RABGAP1L: variants seen among roughly 807,000 people sequenced by gnomAD.
RABGAP1L encodes rab GTPase-activating protein 1-like.
Under a neutral mutation model 137.7 loss-of-function variants are expected in RABGAP1L, and 63 were observed. The ratio of observed to expected loss-of-function variants is 0.46; its 90% CI spans 0.37 to 0.56. The LOEUF is 0.56. Ranked by LOEUF, RABGAP1L falls within the 20% of genes least tolerant of loss-of-function variation. The probability of loss-of-function intolerance (pLI) is 0.00; values close to 1 mark genes in which losing one functional copy is unlikely to be tolerated. For missense variants in RABGAP1L, 1,095 were observed against 1,244.0 expected (o/e 0.88, Z 1.80); for synonymous variants, 431 against 433.7 (o/e 0.99, Z 0.08).
At chr1:174,854,199 T>C (rs963620652) in intron 19 of RABGAP1L, among the ~76,000 whole-genome samples, 11 of 152,214 alleles carry the variant, frequency 7.2e-5, no homozygotes, top group Admixed American at 6.5e-4. Context: ...CAGATTTCCA[T>C]CACTTAAATA....
At chr1:174,523,449 T>C (rs183036153) in intron 13 of RABGAP1L, among the ~76,000 whole-genome samples, 17 of 152,218 alleles carry the variant, frequency 1.1e-4, no homozygotes, top group Non-Finnish European at 2.1e-4. Context: ...AAAATTAATA[T>C]CTGGGGAGAT....
intron 13 of RABGAP1L, among the ~76,000 whole-genome samples, chr1:174,550,997 CACATATATATATATATATATATAT>C (rs1666472595): frequency 1.1e-5 from 1 of 92,208 alleles, no homozygotes; most frequent in African/African-American, 8.1e-5. Flanking sequence ...TATATATATA[CACATATATATATATATATATATAT>C]ACATACACAC....
At chr1:174,334,293 A>G (rs746428942) in intron 11 of RABGAP1L, among the ~76,000 whole-genome samples, 9 of 152,200 alleles carry the variant, frequency 5.9e-5, no homozygotes, top group East Asian at 3.9e-4. Flanking sequence ...GTCTGACCCT[A>G]TGTTTTCTGT....
intron 7 of RABGAP1L, among the ~76,000 whole-genome samples, chr1:174,259,656 A>G (rs1483504010): frequency 6.6e-6 from 1 of 152,190 alleles, no homozygotes; most frequent in African/African-American, 2.4e-5. Context: ...AAGTCATGAA[A>G]ACTTTTAATA....
intron 14 of RABGAP1L, among the ~76,000 whole-genome samples, chr1:174,639,409 A>G (rs1290711851): frequency 6.6e-6 from 1 of 152,198 alleles, no homozygotes; most frequent in African/African-American, 2.4e-5. Flanking sequence ...TGAAAGACAA[A>G]AGTAATTATT....
chr1:174,800,790 G>A (rs1022492952), intron 18 of RABGAP1L, among the ~76,000 whole-genome samples: 2 of 152,160 alleles, frequency 1.3e-5, no homozygotes, highest in African/African-American at 2.4e-5. Flanking sequence ...GCTAGGCTCA[G>A]CAATAAAGCA....
intron 12 of RABGAP1L, among the ~76,000 whole-genome samples, chr1:174,388,355 AAAAAT>A (rs1023318596): frequency 3.9e-5 from 6 of 152,028 alleles, no homozygotes; most frequent in Admixed American, 3.9e-4. Context: ...AATCATTAGA[AAAAAT>A]AAAAATAATA....
At chr1:174,549,612 G>A (rs1213753840) in intron 13 of RABGAP1L, among the ~76,000 whole-genome samples, 1 of 152,120 alleles carries the variant, frequency 6.6e-6, no homozygotes, top group Non-Finnish European at 1.5e-5. Flanking sequence ...CTCAAGAAAT[G>A]GAACAAGCTG....
At chr1:174,683,880 A>G (rs1254085745) in intron 15 of RABGAP1L, among the ~76,000 whole-genome samples, 1 of 152,194 alleles carries the variant, frequency 6.6e-6, no homozygotes, top group Non-Finnish European at 1.5e-5. Context: ...AACTGCCCAA[A>G]TATCAGGACC....
intron 19 of RABGAP1L, among the ~76,000 whole-genome samples, chr1:174,925,876 G>GTTTTTTTTTTTTTTGTTTTTTT (rs1427562681): frequency 9.2e-6 from 1 of 108,672 alleles, no homozygotes; most frequent in Non-Finnish European, 2.0e-5. Context: ...TTTTGTTTTT[G>GTTTTTTTTTTTTTTGTTTTTTT]TTTTTTTTTT....
intron 15 of RABGAP1L, among the ~76,000 whole-genome samples, chr1:174,688,129 A>C (rs971433832): frequency 1.3e-5 from 2 of 152,144 alleles, no homozygotes; most frequent in African/African-American, 4.8e-5. Flanking sequence ...CTGCCTTTGT[A>C]ATGAAATATA....
chr1:174,580,852 A>G (rs904706907), intron 13 of RABGAP1L, among the ~76,000 whole-genome samples: 7 of 152,244 alleles, frequency 4.6e-5, no homozygotes, highest in African/African-American at 1.7e-4. Context: ...CCCAACTGAA[A>G]AATTAGAATC....
At chr1:174,766,974 C>G (rs751628124) in intron 18 of RABGAP1L, among the ~76,000 whole-genome samples, 2 of 152,200 alleles carry the variant, frequency 1.3e-5, no homozygotes, top group Non-Finnish European at 2.9e-5. Flanking sequence ...TTATCTTAAC[C>G]CAGACATTCC....
At chr1:174,434,108 T>TACACAC (rs35509787) in intron 13 of RABGAP1L, among the ~76,000 whole-genome samples, 9,252 of 133,986 alleles carry the variant, frequency 0.069, 321 homozygotes, top group East Asian at 0.083. Flanking sequence ...CGTGTACACA[T>TACACAC]ACACACACAC....
At chr1:174,891,551 C>T (rs1055961709) in intron 19 of RABGAP1L, among the ~76,000 whole-genome samples, 2 of 152,170 alleles carry the variant, frequency 1.3e-5, no homozygotes. Flanking sequence ...TGCCCAGGCT[C>T]GTGTGCAGTG....
chr1:174,252,397 G>C (rs1430827003), intron 6 of RABGAP1L, 83 bp from the exon 7 acceptor site: 2 of 1,512,500 alleles, frequency 1.3e-6, no homozygotes, highest in Non-Finnish European at 1.8e-6. Flanking sequence ...TAAATACTTT[G>C]TTGTTTTGTT....
intron 12 of RABGAP1L, among the ~76,000 whole-genome samples, chr1:174,385,217 A>T (rs1402834607): frequency 2.0e-5 from 3 of 152,148 alleles, no homozygotes; most frequent in Admixed American, 6.5e-5. Context: ...CGGATTCTGG[A>T]TATATTTTAA....
intron 8 of RABGAP1L, among the ~76,000 whole-genome samples, chr1:174,274,643 G>A (rs1012574270): frequency 8.8e-6 from 1 of 113,236 alleles, no homozygotes; most frequent in African/African-American, 4.2e-5. Flanking sequence ...TGTGTGTAGA[G>A]GAGAGAAAGA....
chr1:174,904,044 C>T (rs1308423181), intron 19 of RABGAP1L, among the ~76,000 whole-genome samples: 2 of 151,722 alleles, frequency 1.3e-5, no homozygotes, highest in Non-Finnish European at 2.9e-5. Flanking sequence ...CCTCCCCCCA[C>T]AGAAAACCAA....
Sources: gnomAD v4.1 joint callset for allele counts (sites outside exome capture counted in the v4.1 genomes callset) on GRCh38, gnomAD v4.1.1 for gene constraint, MANE v1.5 for transcripts, NCBI Gene and HGNC (gene_info 2026-07-23, HGNC 2026-07-21) for gene names.